Variants in ALCAM observed in about 807,000 individuals in gnomAD.
ALCAM encodes activated leukocyte cell adhesion molecule, also known as CD166 antigen.
Under a neutral mutation model 70.9 loss-of-function variants are expected in ALCAM, and 30 were observed. The observed-to-expected ratio is 0.42, with a 90% CI of 0.32 to 0.57. ALCAM has a LOEUF of 0.57. ALCAM is among the 20% of genes least tolerant of loss of function. ALCAM has a pLI of 0.11. For missense variants in ALCAM, 591 were observed against 695.1 expected, an observed-to-expected ratio of 0.85 and a Z score of 1.68; for synonymous variants, 249 against 242.5, an observed-to-expected ratio of 1.03 and a Z score of -0.25.
At chr3:105,486,151 C>G (rs1412961341) in intron 1 of ALCAM, among the ~76,000 whole-genome samples, 1 of 152,000 alleles carries the variant, frequency 6.6e-6, no homozygotes, top group East Asian at 1.9e-4. Flanking sequence ...AAGCATTGAT[C>G]CTTCCATGCT....
chr3:105,552,741 T>G (rs752601184), intron 14 of ALCAM, 156 bp downstream of exon 14: 52 of 1,462,242 alleles, frequency 3.6e-5, no homozygotes, highest in Non-Finnish European at 4.6e-5. Context: ...TTCAACTAAT[T>G]TTGACTACAC....
intron 14 of ALCAM, among the ~76,000 whole-genome samples, chr3:105,555,507 T>A (rs1940495404): frequency 6.6e-6 from 1 of 152,004 alleles, no homozygotes; most frequent in Admixed American, 6.6e-5. Flanking sequence ...CATAATAAGA[T>A]CTTTCAAGTT....
At chr3:105,545,615 TACAA>T (rs777153261) in intron 9 of ALCAM, among the ~76,000 whole-genome samples, 6 of 151,486 alleles carry the variant, frequency 4.0e-5, no homozygotes, top group Non-Finnish European at 7.4e-5. Flanking sequence ...TGTGTGCACA[TACAA>T]ACATAGTTAT....
rs749625480 is a variant in ALCAM, at chr3:105,563,667, C to CTTTTTTTTTTTTTT, written c.1665-8167_1665-8154dup. On this transcript the variant is annotated intron_variant, in intron 14 of 15. Coordinates refer to ENST00000306107, the MANE Select transcript of ALCAM (RefSeq NM_001627.4). ...GACCTGTATGAAATTCCAAGCATTT[C>CTTTTTTTTTTTTTT]TTTTTTTTTTTTTTTTTTTTTTTTT... 1.3e-3 allele frequency among the ~76,000 whole-genome samples: 67 copies of CTTTTTTTTTTTTTT among 52,048 alleles called. 12 individuals are homozygous for CTTTTTTTTTTTTTT. Among genetic ancestry groups the CTTTTTTTTTTTTTT allele is most frequent in the African/African-American group, 3.4e-3 (34 of 9,896 alleles). The allele number at this position is 52,048 out of a possible 152,430, so 34.1% of individuals were successfully genotyped here.
chr3:105,450,297 C>T (rs1937396550), intron 1 of ALCAM, among the ~76,000 whole-genome samples: 1 of 152,088 alleles, frequency 6.6e-6, no homozygotes, highest in Non-Finnish European at 1.5e-5. Flanking sequence ...TTGTCTGATA[C>T]TCCGGATAAT....
chr3:105,554,176 C>T (rs1331895821), intron 14 of ALCAM, among the ~76,000 whole-genome samples: 6 of 151,816 alleles, frequency 4.0e-5, no homozygotes, highest in African/African-American at 1.5e-4. Context: ...CCAAAATCTG[C>T]AGGCAGGAAG....
intron 1 of ALCAM, among the ~76,000 whole-genome samples, chr3:105,493,244 A>G (rs1308194115): frequency 2.0e-5 from 3 of 152,138 alleles, no homozygotes; most frequent in African/African-American, 7.2e-5. Flanking sequence ...TCCCTAAATA[A>G]TAACTAAGTT....
At chr3:105,463,281 C>CTAA (rs1384029198) in intron 1 of ALCAM, among the ~76,000 whole-genome samples, 2 of 151,376 alleles carry the variant, frequency 1.3e-5, no homozygotes, top group East Asian at 3.9e-4. Flanking sequence ...AGCTAGCAGC[C>CTAA]ATTAAGATGG....
chr3:105,401,173 C>T (rs973752551), intron 1 of ALCAM, among the ~76,000 whole-genome samples: 3 of 152,206 alleles, frequency 2.0e-5, no homozygotes, highest in Non-Finnish European at 4.4e-5. Flanking sequence ...ACTGATTCCA[C>T]AAGGAACACC....
intron 4 of ALCAM, among the ~76,000 whole-genome samples, chr3:105,532,686 A>G (rs1939870286): frequency 6.6e-6 from 1 of 152,216 alleles, no homozygotes; most frequent in Admixed American, 6.5e-5. Flanking sequence ...TTCCAACAAT[A>G]TGAAATAATA....
intron 14 of ALCAM, among the ~76,000 whole-genome samples, chr3:105,562,992 G>A (rs185332387): frequency 0.012 from 1,760 of 152,146 alleles, 41 homozygotes; most frequent in African/African-American, 0.041. Flanking sequence ...TTTTAGTAGA[G>A]ACGGGGTTTC....
rs774445203 is a variant in ALCAM at position 105,524,316 on chromosome 3, A to G, written c.202A>G (p.Ile68Val). Residue 68 changes from isoleucine (I) to valine (V), a missense_variant, in exon 3 of 16, where the codon ATT becomes GTT. Ile to Val is a conservative substitution (Grantham distance 29). Coordinates refer to ENST00000306107, the MANE Select transcript of ALCAM (RefSeq NM_001627.4). The part of the protein sequence containing the change: ...YEKPDGSPVF[I>V]AFRSSTKKSV... ...AAAGCCCGATGGCTCCCCAGTATTT[A>G]TTGCCTTCAGATCCTCTACAAAGAA... is the stretch of plus-strand genomic sequence containing the variant. 1.2e-5 allele frequency: 19 copies of G among 1,613,982 alleles called. No homozygotes were observed. Among genetic ancestry groups the G allele is most frequent in the Non-Finnish European group, 1.4e-5 (17 of 1,179,968 alleles).
At chr3:105,524,173 C>T (rs530626148) in intron 2 of ALCAM, 116 bp from the exon 3 acceptor site, 9 of 879,954 alleles carry the variant, frequency 1.0e-5, no homozygotes, top group South Asian at 9.7e-5. Flanking sequence ...AATTATTCTT[C>T]GTAGACAAAA....
chr3:105,553,015 G>C, intron 14 of ALCAM: 1 of 1,007,822 alleles, frequency 9.9e-7, no homozygotes, highest in Non-Finnish European at 1.2e-6. Flanking sequence ...TGCTGAGGTA[G>C]GAATATCTTA....
chr3:105,543,627 A>G (rs1357122501), intron 8 of ALCAM, among the ~76,000 whole-genome samples: 1 of 151,652 alleles, frequency 6.6e-6, no homozygotes, highest in Non-Finnish European at 1.5e-5. Context: ...CTCACAGCCT[A>G]CAAATTCCTA....
intron 1 of ALCAM, among the ~76,000 whole-genome samples, chr3:105,497,115 C>T (rs903849854): frequency 1.3e-5 from 2 of 152,036 alleles, no homozygotes; most frequent in African/African-American, 4.8e-5. Flanking sequence ...TGTATTCTCA[C>T]CTAAACCCCC....
chr3:105,426,173 T>C (rs774941925), intron 1 of ALCAM, among the ~76,000 whole-genome samples: 3 of 151,864 alleles, frequency 2.0e-5, no homozygotes, highest in Non-Finnish European at 2.9e-5. Flanking sequence ...GGACAAGTCA[T>C]CTAAGCTCTC....
intron 1 of ALCAM, among the ~76,000 whole-genome samples, chr3:105,447,651 G>T (rs1430217429): frequency 6.6e-6 from 1 of 152,212 alleles, no homozygotes; most frequent in Non-Finnish European, 1.5e-5. Context: ...AGATCGAGCT[G>T]CAGTGAGCCA....
chr3:105,466,334 C>T (rs1050616770), intron 1 of ALCAM, among the ~76,000 whole-genome samples: 1 of 151,430 alleles, frequency 6.6e-6, no homozygotes, highest in African/African-American at 2.4e-5. Context: ...GTGCAAATAG[C>T]AGCCATTTCA....
Sources: gnomAD v4.1 joint callset for allele counts (sites outside exome capture counted in the v4.1 genomes callset) on GRCh38, gnomAD v4.1.1 for gene constraint, MANE v1.5 for transcripts, NCBI Gene and HGNC (gene_info 2026-07-23, HGNC 2026-07-21) for gene names.